Variants in NRIP1 observed in about 807,000 individuals in gnomAD.
NRIP1 encodes the protein nuclear receptor-interacting protein 1.
NRIP1 carries 28 observed loss-of-function variants against 75.0 expected under a neutral mutation model. That is an observed-to-expected ratio of 0.37 (90% CI 0.28 to 0.51). The LOEUF (loss-of-function observed/expected upper bound fraction) is 0.51. NRIP1 is among the 20% of genes least tolerant of loss of function. The pLI is 0.92. For missense variants in NRIP1, 1,435 were observed against 1,343.7 expected, an observed-to-expected ratio of 1.07 and a Z score of -1.06; for synonymous variants, 526 against 487.6, an observed-to-expected ratio of 1.08 and a Z score of -1.04.
intron 3 of NRIP1, among the ~76,000 whole-genome samples, chr21:14,998,727 A>G (rs999593289): frequency 6.6e-6 from 1 of 152,070 alleles, no homozygotes; most frequent in Non-Finnish European, 1.5e-5. Flanking sequence ...GAGTGAATAT[A>G]TTTTCTCTTC....
At chr21:14,990,970 C>T (rs890193737) in intron 3 of NRIP1, among the ~76,000 whole-genome samples, 4 of 152,130 alleles carry the variant, frequency 2.6e-5, no homozygotes, top group Non-Finnish European at 5.9e-5. Context: ...AAGGGCTCTA[C>T]GTGCTTCTCG....
Position 14,964,173 on chromosome 21 carries a change from CT to C in NRIP1, c.*542del, listed in dbSNP as rs11288373. 0.71 allele frequency: 106,731 copies of C among 151,252 alleles called. 38,499 individuals are homozygous for C. Among genetic ancestry groups the C allele is most frequent in the East Asian group, 0.93 (4,774 of 5,132 alleles). The allele number at this position is 151,252 out of a possible 1,614,324, so 9.4% of individuals were successfully genotyped here. ...TCTTCCAAGAGTTAAAAATAAACAC[CT>C]TTTTTTTTTCTTTTTAGCAAAAGTG... On this transcript the variant is annotated 3_prime_UTR_variant, in exon 4 of 4. Coordinates refer to ENST00000318948, the MANE Select transcript of NRIP1 (RefSeq NM_003489.4).
chr21:15,038,512 A>G (rs2088882774), intron 2 of NRIP1, among the ~76,000 whole-genome samples: 1 of 152,082 alleles, frequency 6.6e-6, no homozygotes, highest in Non-Finnish European at 1.5e-5. Flanking sequence ...CAGACTGATT[A>G]CCAACATAAT....
intron 2 of NRIP1, among the ~76,000 whole-genome samples, chr21:15,031,467 A>G (rs1324406290): frequency 4.5e-5 from 6 of 132,320 alleles, no homozygotes; most frequent in East Asian, 2.3e-4. Context: ...TTCCCTTTCT[A>G]TGTGTGTACA....
chr21:15,006,589 TGTAA>T (rs1311324392), intron 3 of NRIP1, among the ~76,000 whole-genome samples: 2 of 152,200 alleles, frequency 1.3e-5, no homozygotes, highest in Non-Finnish European at 2.9e-5. Flanking sequence ...GAGTATTTAG[TGTAA>T]GTATTTAGTG....
At chr21:15,059,645 A>G (rs1158281184) in intron 1 of NRIP1, among the ~76,000 whole-genome samples, 1 of 152,128 alleles carries the variant, frequency 6.6e-6, no homozygotes, top group Non-Finnish European at 1.5e-5. Context: ...TTCAACCAAA[A>G]AAAGAATCAC....
At chr21:14,997,645 C>A (rs2087762275) in intron 3 of NRIP1, among the ~76,000 whole-genome samples, 3 of 150,750 alleles carry the variant, frequency 2.0e-5, no homozygotes, top group Admixed American at 2.0e-4. Context: ...CACACAAACC[C>A]ACAAAAATAA....
chr21:14,966,389 G>A lies in NRIP1; in HGVS notation c.1804C>T (p.Leu602Phe), dbSNP rs774319229. Residue 602 changes from leucine to phenylalanine, a missense_variant, in exon 4 of 4, where the codon CTT becomes TTT. By Grantham distance (22) the Leu-to-Phe change is conservative. Transcript: ENST00000318948. Reference sequence around the variant, plus strand: ...CCTGGTGGGTCTTTGCTTTTTGTAAGGTCCATTGAGTGGTTAGATGCAGTA... The same window carrying A: ...CCTGGTGGGTCTTTGCTTTTTGTAAAGTCCATTGAGTGGTTAGATGCAGTA... Reference protein sequence around the residue: ...TNTASNHSMDLTKSKDPPGEK... With the variant: ...TNTASNHSMDFTKSKDPPGEK... The A allele has an allele frequency of 3.1e-6, 5 of 1,614,032 alleles. No homozygotes were observed. Among genetic ancestry groups the A allele is most frequent in the African/African-American group, 2.7e-5 (2 of 75,018 alleles).
rs2088293736 is a variant in NRIP1 at position 15,018,647 on chromosome 21, A to G, written c.-457-4181T>C. ...AACAAATTAGGTCAGAGATGTGAGC[A>G]TAAAGGATGATCTCAAATTTGTTTT... On this transcript the variant is annotated intron_variant, in intron 2 of 3. Transcript: ENST00000318948. Among the ~76,000 whole-genome samples, 3 of 152,218 alleles carry G rather than the reference A, an allele frequency of 2.0e-5. No individual in the cohort carries two copies. In the South Asian group the frequency reaches 6.2e-4, roughly 31 times the overall value.
chr21:15,012,343 TAA>T (rs985909407), intron 3 of NRIP1, among the ~76,000 whole-genome samples: 6 of 151,156 alleles, frequency 4.0e-5, no homozygotes, highest in African/African-American at 1.2e-4. Flanking sequence ...CTTTAAAATC[TAA>T]AAACGTTTAA....
At chr21:15,050,876 C>A (rs2147364766) in intron 1 of NRIP1, 1 of 456,040 alleles carries the variant, frequency 2.2e-6, no homozygotes, top group Non-Finnish European at 4.4e-6. Flanking sequence ...TATTCCCCTG[C>A]CTGGTATCTA....
At chr21:14,991,012 C>T (rs897904846) in intron 3 of NRIP1, among the ~76,000 whole-genome samples, 4 of 151,882 alleles carry the variant, frequency 2.6e-5, no homozygotes, top group Non-Finnish European at 5.9e-5. Flanking sequence ...ATTAGGTTGC[C>T]GCATGTCTCT....
chr21:15,040,040 C>T (rs2088919035), intron 2 of NRIP1, among the ~76,000 whole-genome samples: 1 of 151,986 alleles, frequency 6.6e-6, no homozygotes, highest in East Asian at 1.9e-4. Flanking sequence ...TTGACTAAAG[C>T]ACTGTCTTTT....
intron 2 of NRIP1, among the ~76,000 whole-genome samples, chr21:15,019,373 C>T (rs903055596): frequency 8.2e-5 from 12 of 146,744 alleles, no homozygotes; most frequent in African/African-American, 3.0e-4. Context: ...CATGATCTTG[C>T]TTGCCAATAA....
chr21:15,058,186 A>C (rs2089346508), intron 1 of NRIP1, among the ~76,000 whole-genome samples: 1 of 152,196 alleles, frequency 6.6e-6, no homozygotes, highest in African/African-American at 2.4e-5. Flanking sequence ...TTAGTAGCAG[A>C]ACCTAAACTC....
chr21:15,054,924 G>A (rs568842241), intron 1 of NRIP1, among the ~76,000 whole-genome samples: 2 of 152,322 alleles, frequency 1.3e-5, no homozygotes, highest in South Asian at 4.1e-4. Context: ...CTTGGGGACA[G>A]AAGTAAGCCT....
At chr21:15,028,431 T>C (rs555834825) in intron 2 of NRIP1, among the ~76,000 whole-genome samples, 1 of 152,202 alleles carries the variant, frequency 6.6e-6, no homozygotes. Flanking sequence ...AATAACACAT[T>C]TCCTTTAGAA....
intron 3 of NRIP1, among the ~76,000 whole-genome samples, chr21:14,976,882 C>T (rs1357043445): frequency 6.6e-6 from 1 of 152,156 alleles, no homozygotes; most frequent in Non-Finnish European, 1.5e-5. Context: ...TACGAGTTCA[C>T]TTGGTATGCC....
rs2086737227 is a variant in NRIP1, at chr21:14,966,286, T to C, written c.1907A>G (p.Gln636Arg). 1.2e-6 allele frequency: 2 copies of C among 1,614,044 alleles called. No individual in the cohort carries two copies. The highest frequency in any genetic ancestry group is 2.2e-5 in the South Asian group (2 of 91,084). Residue 636 changes from glutamine (Q) to arginine (R), a missense_variant, in exon 4 of 4, where the codon CAA (glutamine) becomes CGA (arginine). Gln to Arg is a conservative substitution (Grantham distance 43, BLOSUM62 1). Transcript: ENST00000318948. Reference protein sequence around the residue: ...SASKLLQNLAQCGMQSSMSVE... With the variant: ...SASKLLQNLARCGMQSSMSVE... ...TGACATGGATGACTGCATTCCACAT[T>C]GTGCTAAATTTTGTAACAGCTTACT... is the stretch of plus-strand genomic sequence containing the variant.
Sources: allele counts gnomAD v4.1 joint callset (sites outside exome capture counted in the v4.1 genomes callset), GRCh38; gene constraint gnomAD v4.1.1; transcripts MANE v1.5; gene names NCBI Gene and HGNC (gene_info 2026-07-23, HGNC 2026-07-21).